NAP1L2: variants seen among roughly 807,000 people sequenced by gnomAD.
The protein encoded by NAP1L2 is nucleosome assembly protein 1-like 2.
For missense variants in NAP1L2, 376 were observed against 338.5 expected (o/e 1.11, Z -0.87); for synonymous variants, 165 against 126.0 (o/e 1.31, Z -2.07).
At position 73,213,119 on chromosome X, in the gene NAP1L2, A is replaced by G. The variant is rs1202956513; in HGVS notation, c.1374T>C (p.Ile458=). ...CCATGTATACTCTGCTCTAACGATC[A>G]ATGTCTTCTACTAATGCCTCAAGGT... ...CKNLEALVED[I]DR Residue 458 remains isoleucine, a synonymous_variant, in exon 1 of 1, where the codon ATT becomes ATC. Transcript: ENST00000373517. 3.3e-6 allele frequency: 4 copies of G among 1,200,998 alleles called. No individual in the cohort carries two copies. In the African/African-American group the frequency reaches 7.0e-5, roughly 21 times the overall value.
chrX:73,214,335 G>A lies in NAP1L2; in HGVS notation c.158C>T (p.Ala53Val). The A allele has an allele frequency of 8.3e-7, 1 of 1,211,011 alleles. No individual in the cohort carries two copies. Among genetic ancestry groups the A allele is most frequent in the Non-Finnish European group, 1.1e-6 (1 of 895,306 alleles). The change falls in exon 1 of 1, where the codon GCT becomes GTT. Residue 53 changes from alanine (A) to valine (V), a missense_variant. Ala to Val is a moderately conservative substitution (Grantham distance 64). Coordinates refer to ENST00000373517, the MANE Select transcript of NAP1L2 (RefSeq NM_021963.4). ...DDGKCGEEAA[A>V]GLGEEGENGE... ...GTTTTCCCCTTCTTCCCCAAGCCCA[G>A]CGGCAGCTTCTTCACCGCACTTCCC...
chrX:73,213,367 G>T lies in NAP1L2; in HGVS notation c.1126C>A (p.Pro376Thr). 8.3e-7 allele frequency: 1 copy of T among 1,211,668 alleles called. No individual in the cohort carries two copies. Among genetic ancestry groups the T allele is most frequent in the South Asian group, 1.8e-5 (1 of 56,974 alleles). ...CTTCCATTTGAGGTGATTCCATGAGGAGAGAAAAAATTGAAAAATGAATCC... is the reference window on the plus strand; with the variant it reads ...CTTCCATTTGAGGTGATTCCATGAGTAGAGAAAAAATTGAAAAATGAATCC... ...PKDSFFNFFS[P>T]HGITSNGRDG... Residue 376 changes from proline to threonine, a missense_variant, in exon 1 of 1, where the codon CCT becomes ACT. By Grantham distance (38) the Pro-to-Thr change is conservative. Coordinates refer to ENST00000373517, the MANE Select transcript of NAP1L2 (RefSeq NM_021963.4).
At position 73,214,415 on chromosome X, in the gene NAP1L2, C is replaced by G. The variant is rs1414919425; in HGVS notation, c.78G>C (p.Gly26=). 8.3e-7 allele frequency: 1 copy of G among 1,208,954 alleles called. No homozygotes were observed. The highest frequency in any genetic ancestry group is 1.1e-6 in the Non-Finnish European group (1 of 895,062). Residue 26 remains glycine, a synonymous_variant, in exon 1 of 1, where the codon GGG becomes GGC. Transcript: ENST00000373517. The part of the protein sequence containing the change: ...EEAGNQIMVE[G]LGEHLERGED... The stretch of plus-strand genomic sequence containing the variant: ...CACCGCGCTCCAGATGTTCCCCGAG[C>G]CCTTCCACCATTATCTGATTACCAG...
At position 73,213,365 on chromosome X, in the gene NAP1L2, A is replaced by C. The variant is rs2056139843; in HGVS notation, c.1128T>G (p.Pro376=). Residue 376 remains proline (P), a synonymous_variant, in exon 1 of 1, where the codon CCT becomes CCG. Transcript: ENST00000373517. The part of the protein sequence containing the change: ...PKDSFFNFFS[P]HGITSNGRDG... ...CCCTTCCATTTGAGGTGATTCCATG[A>C]GGAGAGAAAAAATTGAAAAATGAAT... 1.7e-6 allele frequency: 2 copies of C among 1,210,434 alleles called. No homozygotes were observed. Among genetic ancestry groups the C allele is most frequent in the Non-Finnish European group, 2.2e-6 (2 of 895,292 alleles).
rs369450592 is a variant in NAP1L2 at position 73,213,827 on chromosome X, G to GTCCTCCTCC, written c.657_665dup (p.Glu219_Glu221dup). ...TCTCTTCTCCAGTAGCCTCAATGTCGTCCTCCTCCTCCTCCTCCTCCTCCT... is the reference window on the plus strand; with the variant it reads ...TCTCTTCTCCAGTAGCCTCAATGTCGTCCTCCTCCTCCTCCTCCTCCTCCTCCTCCTCCT... On this transcript the variant is annotated inframe_insertion, in exon 1 of 1. Transcript: ENST00000373517. The GTCCTCCTCC allele has an allele frequency of 1.0e-5, 12 of 1,200,542 alleles. No homozygotes were observed. Among genetic ancestry groups the GTCCTCCTCC allele is most frequent in the East Asian group, 3.0e-5 (1 of 33,467 alleles).
rs2056144497 is a variant in NAP1L2 at position 73,213,935 on chromosome X, A to G, written c.558T>C (p.Tyr186=). The change falls in exon 1 of 1, where the codon TAT becomes TAC. Residue 186 remains tyrosine, a synonymous_variant. Transcript: ENST00000373517. ...DDEEMCHEEM[Y]GNEEGMVHEY... The stretch of plus-strand genomic sequence containing the variant: ...CATGTACCATACCCTCCTCATTACC[A>G]TACATCTCTTCATGACACATTTCCT... 2 of 1,210,807 alleles carry G rather than the reference A, an allele frequency of 1.7e-6. No homozygotes were observed. The highest frequency in any genetic ancestry group is 2.2e-6 in the Non-Finnish European group (2 of 895,268).
chrX:73,214,541 G>C lies in NAP1L2; in HGVS notation c.-49C>G. 2 of 1,139,789 alleles carry C rather than the reference G, an allele frequency of 1.8e-6. No homozygotes were observed. The highest frequency in any genetic ancestry group is 2.4e-6 in the Non-Finnish European group (2 of 848,888). 93.9% of individuals were successfully genotyped at this position (1,139,789 alleles called of 1,213,427 possible). On this transcript the variant is annotated 5_prime_UTR_variant, in exon 1 of 1. Transcript: ENST00000373517. ...AAGGTGGCTACCACAGAGATCGGGA[G>C]ACCAAACCTCCACAGGAAAAGACTC...
chrX:73,213,418 G>A lies in NAP1L2; in HGVS notation c.1075C>T (p.Arg359Ter). ...TTGGGAAAATCTTCAGTTACAGTTC[G>A]GATTGTTCCCCAGATCCGATGTTTC... ...KQKHRIWGTI[R>*]TVTEDFPKDS... Residue 359 changes from arginine to a stop codon, truncating the protein, a stop_gained, in exon 1 of 1, where the codon CGA becomes TGA. Coordinates refer to ENST00000373517, the MANE Select transcript of NAP1L2 (RefSeq NM_021963.4). LOFTEE classifies it low-confidence loss of function (END_TRUNC). 8.3e-7 allele frequency: 1 copy of A among 1,211,495 alleles called. No homozygotes were observed.
rs779431728 is a variant in NAP1L2, at chrX:73,214,070, A to G, written c.423T>C (p.Ala141=). 4 of 1,211,307 alleles carry G rather than the reference A, an allele frequency of 3.3e-6. No individual in the cohort carries two copies. The highest frequency in any genetic ancestry group is 2.2e-5 in the Admixed American group (1 of 45,951). ...REFHDIERKF[A]EMYQPLLEKR... ...TTTCCAGTAAGGGTTGGTACATTTC[A>G]GCAAACTTTCTTTCAATGTCATGAA... The change falls in exon 1 of 1, where the codon GCT becomes GCC. Residue 141 remains alanine, a synonymous_variant. Coordinates refer to ENST00000373517, the MANE Select transcript of NAP1L2 (RefSeq NM_021963.4).
In NAP1L2 at chrX:73,213,257, T is replaced by C. The variant is rs1460486147; in HGVS notation, c.1236A>G (p.Ala412=). Residue 412 remains alanine (A), a synonymous_variant, in exon 1 of 1, where the codon GCA becomes GCG. Coordinates refer to ENST00000373517, the MANE Select transcript of NAP1L2 (RefSeq NM_021963.4). ...PRSVLFFSGD[A]LESQQEGVVR... ...CTACCCCCTCCTGCTGAGATTCCAG[T>C]GCATCACCTGAGAAAAATAATACTG... The C allele has an allele frequency of 4.1e-6, 5 of 1,211,756 alleles. No homozygotes were observed. The highest frequency in any genetic ancestry group is 5.6e-6 in the Non-Finnish European group (5 of 895,292).
At position 73,214,587 on chromosome X, in the gene NAP1L2, G is replaced by A. The variant is rs898690143; in HGVS notation, c.-95C>T. 51 of 995,924 alleles carry A rather than the reference G, an allele frequency of 5.1e-5. No homozygotes were observed. Among genetic ancestry groups the A allele is most frequent in the Admixed American group, 2.9e-5 (1 of 34,326 alleles). The allele number at this position is 995,924 out of a possible 1,213,427, so 82.1% of individuals were successfully genotyped here. ...GACTCACCGAAATATCAGAAGCGGC[G>A]GTGGTCGGACCTAGCAGTGGCGTCC... On this transcript the variant is annotated 5_prime_UTR_variant, in exon 1 of 1. Coordinates refer to ENST00000373517, the MANE Select transcript of NAP1L2 (RefSeq NM_021963.4).
Position 73,213,827 on chromosome X carries a change from GTCCTCCTCC to G in NAP1L2, c.657_665del (p.Glu219_Glu221del), listed in dbSNP as rs369450592. ...TCTCTTCTCCAGTAGCCTCAATGTC[GTCCTCCTCC>G]TCCTCCTCCTCCTCCTCTTCCACAG... On this transcript the variant is annotated inframe_deletion, in exon 1 of 1. Transcript: ENST00000373517. The G allele has an allele frequency of 2.9e-5, 35 of 1,200,507 alleles. No homozygotes were observed. The highest frequency in any genetic ancestry group is 3.4e-5 in the Non-Finnish European group (30 of 890,000).
rs2056137444 is a variant in NAP1L2, at chrX:73,212,983, A to G, written c.*127T>C. The G allele has an allele frequency of 1.2e-5, 8 of 663,796 alleles. No individual in the cohort carries two copies. In the Admixed American group the frequency reaches 3.5e-4, roughly 29 times the overall value. 54.7% of individuals were successfully genotyped at this position (663,796 alleles called of 1,213,427 possible). On this transcript the variant is annotated 3_prime_UTR_variant, in exon 1 of 1. Coordinates refer to ENST00000373517, the MANE Select transcript of NAP1L2 (RefSeq NM_021963.4). The stretch of plus-strand genomic sequence containing the variant: ...CAAGGTCAAATTAATTAGTTTTTGA[A>G]CTTTTCTTATATTTTTGAAACATAT...
In NAP1L2 at chrX:73,214,361, A is replaced by G. The variant is rs756847985; in HGVS notation, c.132T>C (p.Asp44=). The change falls in exon 1 of 1, where the codon GAT becomes GAC. Residue 44 remains aspartate, a synonymous_variant. Coordinates refer to ENST00000373517, the MANE Select transcript of NAP1L2 (RefSeq NM_021963.4). The part of the protein sequence containing the change: ...GEDAAAGLGD[D]GKCGEEAAAG... ...CGGCAGCTTCTTCACCGCACTTCCC[A>G]TCGTCTCCAAGCCCAGCAGCGGCAT... The G allele has an allele frequency of 3.3e-6, 4 of 1,210,132 alleles. No individual in the cohort carries two copies. The highest frequency in any genetic ancestry group is 3.4e-6 in the Non-Finnish European group (3 of 895,100).
rs34995284 is a variant in NAP1L2 at position 73,213,985 on chromosome X, A to G, written c.508T>C (p.Ser170Pro). 2.1e-4 allele frequency: 253 copies of G among 1,209,149 alleles called. No individual in the cohort carries two copies. The African/African-American group carries it at 3.8e-3, about 18-fold the overall frequency. Residue 170 changes from serine (S) to proline (P), a missense_variant, in exon 1 of 1, where the codon TCA becomes CCA. Transcript: ENST00000373517. ...EPTEEECEYK[S>P]DSEDCDDEEM... Reference sequence around the variant, plus strand: ...TCATCATCACAGTCCTCAGAGTCTGATTTATATTCACATTCCTCTTCTGTA... The same window carrying G: ...TCATCATCACAGTCCTCAGAGTCTGGTTTATATTCACATTCCTCTTCTGTA...
chrX:73,213,133 A>G lies in NAP1L2; in HGVS notation c.1360T>C (p.Leu454=), dbSNP rs754308538. Residue 454 remains leucine (L), a synonymous_variant, in exon 1 of 1, where the codon TTA becomes CTA. Coordinates refer to ENST00000373517, the MANE Select transcript of NAP1L2 (RefSeq NM_021963.4). The part of the protein sequence containing the change: ...VKACCKNLEA[L]VEDIDR ...CTCTAACGATCAATGTCTTCTACTA[A>G]TGCCTCAAGGTTTTTGCAACAAGCT... The G allele has an allele frequency of 1.7e-6, 2 of 1,206,859 alleles. No homozygotes were observed. Among genetic ancestry groups the G allele is most frequent in the Non-Finnish European group, 2.2e-6 (2 of 893,132 alleles).
In NAP1L2 at chrX:73,213,309, T is replaced by C. The variant is rs143855481; in HGVS notation, c.1184A>G (p.Asn395Ser). 1.6e-5 allele frequency: 19 copies of C among 1,210,040 alleles called. No homozygotes were observed. Among genetic ancestry groups the C allele is most frequent in the Non-Finnish European group, 2.0e-5 (18 of 894,737 alleles). The change falls in exon 1 of 1, where the codon AAT becomes AGT. Residue 395 changes from asparagine (N) to serine (S), a missense_variant. Transcript: ENST00000373517. The part of the protein sequence containing the change: ...DGNDDFLLGH[N>S]LRTYIIPRSV... Reference sequence around the variant, plus strand: ...TCTTGGAATTATGTAAGTACGTAAATTGTGACCAAGTAAAAAATCATCATT... The same window carrying C: ...TCTTGGAATTATGTAAGTACGTAAACTGTGACCAAGTAAAAAATCATCATT...
At position 73,213,707 on chromosome X, in the gene NAP1L2, A is replaced by G; in HGVS notation, c.786T>C (p.Asp262=). The change falls in exon 1 of 1, where the codon GAT becomes GAC. Residue 262 remains aspartate, a synonymous_variant. Transcript: ENST00000373517. ...CTGTCAGGAGCTTCAGAATAGGCTCATCATATTTCTTAATCAAAGGAGTGA... is the reference window on the plus strand; with the variant it reads ...CTGTCAGGAGCTTCAGAATAGGCTCGTCATATTTCTTAATCAAAGGAGTGA... ...DTLTPLIKKY[D]EPILKLLTDI... The G allele has an allele frequency of 8.3e-7, 1 of 1,211,767 alleles. No homozygotes were observed. The highest frequency in any genetic ancestry group is 1.1e-6 in the Non-Finnish European group (1 of 895,476).
chrX:73,214,297 C>T lies in NAP1L2; in HGVS notation c.196G>A (p.Ala66Thr). 8.3e-7 allele frequency: 1 copy of T among 1,211,296 alleles called. No homozygotes were observed. The highest frequency in any genetic ancestry group is 1.1e-6 in the Non-Finnish European group (1 of 895,469). Residue 66 changes from alanine to threonine, a missense_variant, in exon 1 of 1, where the codon GCT (alanine) becomes ACT (threonine). Ala to Thr is a moderately conservative substitution (Grantham distance 58). Transcript: ENST00000373517. ...TTCCCATCTTCCCCGGACCCAGCAG[C>T]AGTATCTTCACCGTTTTCCCCTTCT... ...GEEGENGEDT[A>T]AGSGEDGKKG...
Sources: gnomAD v4.1 joint callset for allele counts on GRCh38, gnomAD v4.1.1 for gene constraint, MANE v1.5 for transcripts, NCBI Gene and HGNC (gene_info 2026-07-23, HGNC 2026-07-21) for gene names.